The following RP1 variants were observed in gnomAD, a reference collection of about 807,000 sequenced individuals.
RP1 encodes the protein RP1 axonemal microtubule associated, also known as oxygen-regulated protein 1.
RP1 carries 16 observed loss-of-function variants against 14.8 expected under a neutral mutation model. The observed-to-expected ratio is 1.08, with a 90% CI of 0.73 to 1.65. RP1 has a LOEUF of 1.65. Ranked by LOEUF, RP1 falls within the 40% of genes most tolerant of loss-of-function variation. The pLI is 0.00. For synonymous variants in RP1, 876 were observed against 883.6 expected (o/e 0.99, Z 0.15); for missense variants, 2,631 against 2,535.0 (o/e 1.04, Z -0.81).
At chr8:54,786,102 CTGGT>C (rs1206210683) in intron 24 of RP1, among the ~76,000 whole-genome samples, 2 of 152,124 alleles carry the variant, frequency 1.3e-5, no homozygotes, top group South Asian at 2.1e-4. Flanking sequence ...AACTTCCTTG[CTGGT>C]ATGGATTTAA....
At chr8:54,758,863 T>C in intron 21 of RP1, 3 of 1,505,576 alleles carry the variant, frequency 2.0e-6, no homozygotes, top group South Asian at 2.4e-5. Context: ...TTGCCTGCAT[T>C]TGTCATGCCT....
At chr8:54,856,285 T>C (rs1360347805) in intron 26 of RP1, among the ~76,000 whole-genome samples, 3 of 152,004 alleles carry the variant, frequency 2.0e-5, no homozygotes, top group Admixed American at 1.3e-4. Flanking sequence ...TGGATATCGT[T>C]TGGGGAGACA....
At chr8:54,775,979 C>T (rs890531052) in intron 23 of RP1, among the ~76,000 whole-genome samples, 1 of 152,192 alleles carries the variant, frequency 6.6e-6, no homozygotes, top group African/African-American at 2.4e-5. Flanking sequence ...GCAGGTCCTA[C>T]ATCCCCAGAT....
At chr8:54,759,740 C>T (rs1809593956) in intron 22 of RP1, among the ~76,000 whole-genome samples, 1 of 152,166 alleles carries the variant, frequency 6.6e-6, no homozygotes, top group African/African-American at 2.4e-5. Flanking sequence ...CAAGAAAATG[C>T]TTAGCTTCGG....
chr8:54,583,621 A>G (rs1233268380), intron 1 of RP1, among the ~76,000 whole-genome samples: 3 of 152,164 alleles, frequency 2.0e-5, no homozygotes, highest in African/African-American at 7.2e-5. Flanking sequence ...CTGTGAATCC[A>G]TCTGGTCCTG....
At chr8:54,570,886 C>T (rs1804504365) in intron 1 of RP1, among the ~76,000 whole-genome samples, 1 of 152,204 alleles carries the variant, frequency 6.6e-6, no homozygotes, top group East Asian at 1.9e-4. Context: ...GGAAGTGACT[C>T]ATGCCGTGAG....
chr8:54,585,398 G>C (rs533259470), intron 1 of RP1, among the ~76,000 whole-genome samples: 1 of 152,174 alleles, frequency 6.6e-6, no homozygotes, highest in Non-Finnish European at 1.5e-5. Context: ...CTTTGTGGGT[G>C]ACCCGACCTT....
In RP1 at chr8:54,604,283, C is replaced by T. The variant is rs570128622; in HGVS notation, c.-12-16672C>T. ...ATTTTGTCAAAGGCCTTTTCTGCATCTATTGAGATAATCATGTGGTTTTTG... is the reference window on the plus strand; with the variant it reads ...ATTTTGTCAAAGGCCTTTTCTGCATTTATTGAGATAATCATGTGGTTTTTG... On this transcript the variant is annotated intron_variant, in intron 1 of 22. Transcript: ENST00000636932. Among the ~76,000 whole-genome samples, 10 of 152,238 alleles carry T rather than the reference C, an allele frequency of 6.6e-5. No individual in the cohort carries two copies. The East Asian group carries it at 1.9e-3, about 29-fold the overall frequency.
intron 24 of RP1, among the ~76,000 whole-genome samples, chr8:54,784,027 T>A (rs1206099125): frequency 1.3e-5 from 2 of 152,178 alleles, no homozygotes; most frequent in Admixed American, 6.5e-5. Context: ...TTTTTGAACA[T>A]CTGTCTCAGT....
intron 18 of RP1, among the ~76,000 whole-genome samples, chr8:54,736,914 T>A (rs1205784527): frequency 1.3e-5 from 2 of 152,154 alleles, no homozygotes; most frequent in East Asian, 1.9e-4. Context: ...TGGGGTCTTA[T>A]GATAGTTTGA....
intron 24 of RP1, among the ~76,000 whole-genome samples, chr8:54,786,271 T>C (rs1810315380): frequency 6.6e-6 from 1 of 152,138 alleles, no homozygotes; most frequent in Non-Finnish European, 1.5e-5. Context: ...TTTCTTTCAG[T>C]ACTTTGAATA....
At chr8:54,809,047 T>C (rs1498191) in intron 24 of RP1, among the ~76,000 whole-genome samples, 49,305 of 152,182 alleles carry the variant, frequency 0.32, 8,418 homozygotes, top group South Asian at 0.38. Flanking sequence ...GTAGTATTTA[T>C]GCAAATAATT....
chr8:54,798,728 T>C (rs1271586488), intron 24 of RP1, among the ~76,000 whole-genome samples: 7 of 152,176 alleles, frequency 4.6e-5, no homozygotes, highest in African/African-American at 1.7e-4. Context: ...TTGTAATGTA[T>C]ACAGGAAACA....
chr8:54,600,808 G>A (rs770551333), intron 1 of RP1, among the ~76,000 whole-genome samples: 11 of 152,084 alleles, frequency 7.2e-5, no homozygotes, highest in Non-Finnish European at 2.9e-5. Context: ...GACTTTCATT[G>A]GAGCATTTTA....
chr8:54,570,609 T>C (rs898937783), intron 1 of RP1, among the ~76,000 whole-genome samples: 7 of 151,716 alleles, frequency 4.6e-5, no homozygotes, highest in Non-Finnish European at 1.0e-4. Flanking sequence ...ATTACAGGTG[T>C]GAGCCACCGC....
rs573398891 is a variant in RP1 at position 54,688,474 on chromosome 8, C to T, written c.1717+8541C>T. 2.3e-3 allele frequency among the ~76,000 whole-genome samples: 355 copies of T among 151,886 alleles called. 1 individual carries two copies. Among genetic ancestry groups the T allele is most frequent in the African/African-American group, 7.0e-3 (289 of 41,454 alleles). The stretch of plus-strand genomic sequence containing the variant: ...TAACATTTAAGTCTTTAATCCATCT[C>T]GAATTAATTTTTGTATAAGGTGTAA... On this transcript the variant is annotated intron_variant, in intron 12 of 22. Coordinates refer to the RP1 transcript ENST00000636932.
In RP1 at chr8:54,626,943, C is replaced by T; in HGVS notation, c.3061C>T (p.His1021Tyr). 1.2e-6 allele frequency: 2 copies of T among 1,613,882 alleles called. No homozygotes were observed. Among genetic ancestry groups the T allele is most frequent in the Non-Finnish European group, 1.7e-6 (2 of 1,179,954 alleles). Residue 1021 changes from histidine (H) to tyrosine (Y), a missense_variant, in exon 4 of 4, where the codon CAT becomes TAT. Coordinates refer to ENST00000220676, the MANE Select transcript of RP1 (RefSeq NM_006269.2). ...GAATGATGCTTATTTGGTTCCCCTG[C>T]ATGAACACTGTACTTTGTCACAGTC... Reference protein sequence around the residue: ...SLNDAYLVPLHEHCTLSQSAI... With the variant: ...SLNDAYLVPLYEHCTLSQSAI...
intron 24 of RP1, among the ~76,000 whole-genome samples, chr8:54,801,574 C>A (rs115995545): frequency 0.029 from 4,455 of 151,858 alleles, 127 homozygotes; most frequent in African/African-American, 0.066. Flanking sequence ...TCAGGACTTC[C>A]GCCTTGGCTG....
Position 54,814,773 on chromosome 8 carries a change from G to A in RP1, c.3616-22677G>A, listed in dbSNP as rs575110593. 1.5e-4 allele frequency among the ~76,000 whole-genome samples: 23 copies of A among 152,238 alleles called. No homozygotes were observed. In the South Asian group the frequency reaches 4.4e-3, roughly 29 times the overall value. ...TTGCTGCTGATCACAGAATGACAGT[G>A]CCCATGGGCTCATTAAAAAGAGTGC... is the stretch of plus-strand genomic sequence containing the variant. On this transcript the variant is annotated intron_variant, in intron 24 of 28. Transcript: ENST00000637698.
Sources: allele counts gnomAD v4.1 joint callset (sites outside exome capture counted in the v4.1 genomes callset), GRCh38; gene constraint gnomAD v4.1.1; transcripts MANE v1.5; gene names NCBI Gene and HGNC (gene_info 2026-07-23, HGNC 2026-07-21).